The following TNR variants were observed in gnomAD, a reference collection of about 807,000 sequenced individuals.
TNR encodes tenascin-R.
A neutral mutation model predicts 150.4 loss-of-function variants in TNR; 45 were observed. The observed-to-expected ratio is 0.30, with a 90% CI of 0.24 to 0.38. The LOEUF (loss-of-function observed/expected upper bound fraction) is 0.38. TNR is among the 10% of genes least tolerant of loss of function. TNR has a pLI of 1.00. For missense variants in TNR, 1,544 were observed against 1,759.1 expected (o/e 0.88, Z 2.19); for synonymous variants, 687 against 678.4 (o/e 1.01, Z -0.20).
At chr1:175,326,565 G>A (rs997770763) in intron 21 of TNR, among the ~76,000 whole-genome samples, 7 of 151,750 alleles carry the variant, frequency 4.6e-5, no homozygotes, top group African/African-American at 7.3e-5. Context: ...AGATTTTTAT[G>A]CCCATCTAGA....
chr1:175,534,976 G>C (rs1418798841), intron 1 of TNR, among the ~76,000 whole-genome samples: 2 of 152,180 alleles, frequency 1.3e-5, no homozygotes, highest in Non-Finnish European at 2.9e-5. Flanking sequence ...ACCATGTGAA[G>C]AAGGACATGT....
At chr1:175,444,341 G>A (rs1309688970) in intron 2 of TNR, among the ~76,000 whole-genome samples, 1 of 152,108 alleles carries the variant, frequency 6.6e-6, no homozygotes, top group Non-Finnish European at 1.5e-5. Context: ...AGACTCAATG[G>A]AGGCCTTAAA....
rs762128304 is a variant in TNR, at chr1:175,386,286, G to A, written c.1523C>T (p.Thr508Met). 13 of 1,569,402 alleles carry A rather than the reference G, an allele frequency of 8.3e-6. No individual in the cohort carries two copies. Among genetic ancestry groups the A allele is most frequent in the South Asian group, 1.2e-5 (1 of 85,906 alleles). The change falls in exon 8 of 23, where the codon ACG becomes ATG. Residue 508 changes from threonine (T) to methionine (M), a missense_variant. Physicochemically the swap from Thr to Met is moderately conservative, Grantham distance 81. Around this residue, in one of 2 missense-constraint regions of TNR, gnomAD observed 1,254 missense variants for 1,329.4 expected, o/e 0.94. Coordinates refer to ENST00000367674, the MANE Select transcript of TNR (RefSeq NM_003285.3). ...CGAGACATCGCGAACCAGGATCTGC[G>A]TGGGGCCGTCAATGACTGAGTGAGA... ...ASVSTVIDGP[T>M]QILVRDVSDT...
In TNR at chr1:175,403,242, A is replaced by T; in HGVS notation, c.874T>A (p.Cys292Ser). Reference sequence around the variant, plus strand: ...GCATTCAGACACTGCCGCTGGCCGCAGTCCTCACCAACGTAGCCCTCCTCG... The same window carrying T: ...GCATTCAGACACTGCCGCTGGCCGCTGTCCTCACCAACGTAGCCCTCCTCG... ...LCEEGYVGED[C>S]GQRQCLNACS... Residue 292 changes from cysteine to serine, a missense_variant, in exon 4 of 23, where the codon TGC (cysteine) becomes AGC (serine). This residue lies in a region of TNR where 1,254 missense variants were observed against 1,329.4 expected (regional missense o/e 0.94). Coordinates refer to ENST00000367674, the MANE Select transcript of TNR (RefSeq NM_003285.3). The T allele has an allele frequency of 1.2e-6, 2 of 1,614,130 alleles. No individual in the cohort carries two copies. The highest frequency in any genetic ancestry group is 1.7e-6 in the Non-Finnish European group (2 of 1,180,020).
At chr1:175,405,480 T>C (rs559920867) in intron 3 of TNR, among the ~76,000 whole-genome samples, 1 of 152,296 alleles carries the variant, frequency 6.6e-6, no homozygotes, top group South Asian at 2.1e-4. Context: ...CAAGGGTTAC[T>C]AATTAGGGGG....
rs539859968 is a variant in TNR, at chr1:175,432,084, G to A, written c.-63-25307C>T. ...GGGAGGGGGCCAGGGATATGGGGTT[G>A]CTGACTGGGAGTGTTGAAGCAGGGC... On this transcript the variant is annotated intron_variant, in intron 2 of 22. Transcript: ENST00000367674. 8.5e-5 allele frequency among the ~76,000 whole-genome samples: 13 copies of A among 152,240 alleles called. No individual in the cohort carries two copies. In the East Asian group the frequency reaches 2.3e-3, roughly 27 times the overall value.
In TNR at chr1:175,719,468, G is replaced by A. The variant is rs1344480989; in HGVS notation, c.-165+23758C>T. Among the ~76,000 whole-genome samples the A allele has an allele frequency of 2.0e-5, 3 of 152,234 alleles. No individual in the cohort carries two copies. In the East Asian group the frequency reaches 5.8e-4, roughly 29 times the overall value. ...GTTCCCAGCTGCCATCACCAGCTGT[G>A]AGGATGTAGGCAGGTACTTCATCTC... is the stretch of plus-strand genomic sequence containing the variant. On this transcript the variant is annotated intron_variant, in intron 1 of 22. Coordinates refer to ENST00000367674, the MANE Select transcript of TNR (RefSeq NM_003285.3).
chr1:175,369,977 G>A (rs1226031738), intron 9 of TNR, among the ~76,000 whole-genome samples: 1 of 152,198 alleles, frequency 6.6e-6, no homozygotes, highest in African/African-American at 2.4e-5. Flanking sequence ...CCCTGTCTGG[G>A]TAGGCATTCG....
chr1:175,728,190 G>A (rs777483904), intron 1 of TNR, among the ~76,000 whole-genome samples: 32 of 152,182 alleles, frequency 2.1e-4, no homozygotes, highest in African/African-American at 4.3e-4. Context: ...TCTAAGCCTC[G>A]TAAGGTGAGG....
chr1:175,659,994 T>A (rs1400097519), intron 1 of TNR, among the ~76,000 whole-genome samples: 1 of 150,588 alleles, frequency 6.6e-6, no homozygotes, highest in Non-Finnish European at 1.5e-5. Context: ...CTGGGTGGAA[T>A]GCTAGAAAAT....
chr1:175,524,650 A>G (rs1451775312), intron 2 of TNR, among the ~76,000 whole-genome samples: 1 of 152,208 alleles, frequency 6.6e-6, no homozygotes, highest in East Asian at 1.9e-4. Flanking sequence ...ATGATTGCAC[A>G]GAAGCATTCT....
chr1:175,680,213 G>T (rs917465026), intron 1 of TNR, among the ~76,000 whole-genome samples: 2 of 152,136 alleles, frequency 1.3e-5, no homozygotes, highest in Non-Finnish European at 2.9e-5. Flanking sequence ...GTGCCTCTGT[G>T]GTTCCTGAGT....
intron 17 of TNR, 96 bp downstream of exon 17, chr1:175,355,407 C>CT: frequency 6.6e-7 from 1 of 1,513,984 alleles, no homozygotes; most frequent in Non-Finnish European, 8.9e-7. Context: ...TGCTTCCTTC[C>CT]CCCTCCCTCC....
At chr1:175,636,270 T>C (rs1664489522) in intron 1 of TNR, among the ~76,000 whole-genome samples, 1 of 152,182 alleles carries the variant, frequency 6.6e-6, no homozygotes, top group Non-Finnish European at 1.5e-5. Flanking sequence ...ATAATAAAAA[T>C]AGCTAACACC....
At chr1:175,647,201 T>C (rs1400782131) in intron 1 of TNR, among the ~76,000 whole-genome samples, 3 of 151,840 alleles carry the variant, frequency 2.0e-5, no homozygotes, top group Non-Finnish European at 4.4e-5. Flanking sequence ...TGAAAATATT[T>C]GGCATATGCA....
chr1:175,684,089 G>T (rs1231021033), intron 1 of TNR, among the ~76,000 whole-genome samples: 1 of 152,162 alleles, frequency 6.6e-6, no homozygotes, highest in African/African-American at 2.4e-5. Context: ...ATGTCCTTGT[G>T]GAACCTCTGT....
chr1:175,540,873 A>G (rs1488156531), intron 1 of TNR, among the ~76,000 whole-genome samples: 1 of 151,820 alleles, frequency 6.6e-6, no homozygotes, highest in East Asian at 1.9e-4. Context: ...CATGTAAGTT[A>G]TTTCTTCTTA....
At chr1:175,439,205 C>T (rs1655665400) in intron 2 of TNR, among the ~76,000 whole-genome samples, 1 of 151,180 alleles carries the variant, frequency 6.6e-6, no homozygotes, top group African/African-American at 2.4e-5. Flanking sequence ...GAACAGAGCC[C>T]TCAGAAATAA....
chr1:175,417,200 A>C (rs1654536442), intron 2 of TNR, among the ~76,000 whole-genome samples: 1 of 152,188 alleles, frequency 6.6e-6, no homozygotes, highest in Admixed American at 6.5e-5. Context: ...TAACATTACT[A>C]ATTTAAAATT....
Sources: gnomAD v4.1 joint callset for allele counts (sites outside exome capture counted in the v4.1 genomes callset) on GRCh38, gnomAD v4.1.1 for gene constraint, gnomAD v4.1.1 regional missense constraint, MANE v1.5 for transcripts, NCBI Gene and HGNC (gene_info 2026-07-23, HGNC 2026-07-21) for gene names.